TES: variants seen among roughly 807,000 people sequenced by gnomAD.
TES encodes the protein testin LIM domain protein, also known as testin.
In TES, 41 loss-of-function variants were observed where a neutral mutation model predicts 48.2. The ratio of observed to expected loss-of-function variants is 0.85; its 90% CI spans 0.66 to 1.10. The LOEUF (loss-of-function observed/expected upper bound fraction) is 1.10, where lower values mean the gene tolerates loss of function less well. Among genes scored for constraint, TES ranks in the 50% least tolerant of loss-of-function variants. The probability of loss-of-function intolerance (pLI) is 0.00; values close to 1 mark genes in which losing one functional copy is unlikely to be tolerated. For missense variants in TES, 463 were observed against 515.1 expected (o/e 0.90, Z 0.98); for synonymous variants, 162 against 174.9 (o/e 0.93, Z 0.58).
At chr7:116,222,449 C>T (rs528936605) in intron 1 of TES, among the ~76,000 whole-genome samples, 6 of 152,098 alleles carry the variant, frequency 3.9e-5, no homozygotes, top group Non-Finnish European at 7.3e-5. Context: ...TCTGTACTGC[C>T]GTCTTTTTCT....
intron 2 of TES, chr7:116,237,893 T>G (rs1456166238): frequency 6.6e-6 from 1 of 152,210 alleles, no homozygotes. Context: ...CCTTTTCTTA[T>G]AAGGTCACCT....
chr7:116,249,453 A>C, intron 3 of TES, 181 bp downstream of exon 3: 1 of 713,092 alleles, frequency 1.4e-6, no homozygotes, highest in South Asian at 2.1e-5. Flanking sequence ...ATACTTCATA[A>C]AATTTTTCCA....
chr7:116,218,612 C>A (rs772027116), intron 1 of TES, among the ~76,000 whole-genome samples: 1 of 152,026 alleles, frequency 6.6e-6, no homozygotes, highest in African/African-American at 2.4e-5. Context: ...ATTAAAAGTG[C>A]AGTTTAGATT....
rs1021503689 is a variant in TES at position 116,244,106 on chromosome 7, G to T, written c.114-4914G>T. ...GAAATACAATTCAAGATGAGATTTG[G>T]GTGGGGACACAGCCAAACCATATCA... On this transcript the variant is annotated intron_variant, in intron 2 of 6. Coordinates refer to ENST00000358204, the MANE Select transcript of TES (RefSeq NM_015641.4). Among the ~76,000 whole-genome samples, 7 of 152,088 alleles carry T rather than the reference G, an allele frequency of 4.6e-5. No homozygotes were observed. In the East Asian group the frequency reaches 1.3e-3, roughly 29 times the overall value.
At chr7:116,228,998 C>CTGTATATATATATATATATATA (rs1278263956) in intron 1 of TES, among the ~76,000 whole-genome samples, 1 of 110,158 alleles carries the variant, frequency 9.1e-6, no homozygotes, top group African/African-American at 3.7e-5. Flanking sequence ...GTATCTATAA[C>CTGTATATATATATATATATATA]TATATATATA....
chr7:116,241,562 A>G (rs982751052), intron 2 of TES, among the ~76,000 whole-genome samples: 5 of 152,176 alleles, frequency 3.3e-5, no homozygotes, highest in African/African-American at 1.2e-4. Flanking sequence ...TGTCACCACA[A>G]TTCACCACAT....
chr7:116,227,132 A>G (rs1184619913), intron 1 of TES, among the ~76,000 whole-genome samples: 2 of 125,922 alleles, frequency 1.6e-5, no homozygotes, highest in African/African-American at 5.9e-5. Flanking sequence ...TTATTTATTT[A>G]TTGGAGATGG....
chr7:116,218,325 G>C (rs946560367), intron 1 of TES, among the ~76,000 whole-genome samples: 2 of 152,072 alleles, frequency 1.3e-5, no homozygotes, highest in Non-Finnish European at 2.9e-5. Flanking sequence ...ATTCAGCCCA[G>C]CAGAAATGCC....
At chr7:116,245,538 C>A (rs758954273) in intron 2 of TES, among the ~76,000 whole-genome samples, 1 of 152,168 alleles carries the variant, frequency 6.6e-6, no homozygotes, top group Non-Finnish European at 1.5e-5. Flanking sequence ...TTTCCCACAT[C>A]TTCCTGTCTT....
At chr7:116,235,659 C>G (rs1158560931) in intron 2 of TES, among the ~76,000 whole-genome samples, 1 of 152,096 alleles carries the variant, frequency 6.6e-6, no homozygotes, top group African/African-American at 2.4e-5. Flanking sequence ...CACAAGTCTG[C>G]TCAAAGTTAG....
intron 1 of TES, among the ~76,000 whole-genome samples, chr7:116,230,112 A>C (rs531604289): frequency 6.6e-6 from 1 of 152,182 alleles, no homozygotes; most frequent in Non-Finnish European, 1.5e-5. Context: ...AGTGATTTTG[A>C]AAACTTGGTG....
Position 116,252,404 on chromosome 7 carries a change from A to G in TES, c.1005A>G (p.Leu335=). The G allele has an allele frequency of 6.2e-7, 1 of 1,614,242 alleles. No individual in the cohort carries two copies. The highest frequency in any genetic ancestry group is 1.1e-5 in the South Asian group (1 of 91,092). ...HFCCFDCDSI[L]AGEIYVMVND... The stretch of plus-strand genomic sequence containing the variant: ...GCTGCTTTGACTGTGATAGCATTCT[A>G]GCTGGGGAGATATACGTGATGGTCA... Residue 335 remains leucine, a synonymous_variant, in exon 6 of 7, where the codon CTA becomes CTG. Transcript: ENST00000358204.
chr7:116,252,893 C>T lies in TES; in HGVS notation c.1077+417C>T, dbSNP rs367709288. ...ACCACCCACTGGAATTTTGTTTTTG[C>T]TACCTGGAGATTGTAAGATACCTAT... is the stretch of plus-strand genomic sequence containing the variant. On this transcript the variant is annotated intron_variant, in intron 6 of 6. Transcript: ENST00000358204. Among the ~76,000 whole-genome samples, 6 of 152,282 alleles carry T rather than the reference C, an allele frequency of 3.9e-5. No individual in the cohort carries two copies. The East Asian group carries it at 5.8e-4, about 15-fold the overall frequency.
At chr7:116,227,114 T>G (rs956823961) in intron 1 of TES, among the ~76,000 whole-genome samples, 2 of 149,510 alleles carry the variant, frequency 1.3e-5, no homozygotes, top group Non-Finnish European at 3.0e-5. Flanking sequence ...ATTTATTTAT[T>G]TATTTATTTA....
chr7:116,238,504 T>C lies in TES; in HGVS notation c.113+3885T>C, dbSNP rs1799802003. On this transcript the variant is annotated intron_variant, in intron 2 of 6. Coordinates refer to ENST00000358204, the MANE Select transcript of TES (RefSeq NM_015641.4). Reference sequence around the variant, plus strand: ...CTATGTGTCACACACCAGTAAGCACTTGTAATAATTTTCTACTGCTGCATA... The same window carrying C: ...CTATGTGTCACACACCAGTAAGCACCTGTAATAATTTTCTACTGCTGCATA... Among the ~76,000 whole-genome samples the C allele has an allele frequency of 2.0e-5, 3 of 152,152 alleles. No homozygotes were observed. The South Asian group carries it at 6.2e-4, about 31-fold the overall frequency.
intron 1 of TES, among the ~76,000 whole-genome samples, chr7:116,228,998 CTA>C (rs58514364): frequency 0.039 from 4,265 of 109,868 alleles, 125 homozygotes; most frequent in Admixed American, 0.08. Flanking sequence ...GTATCTATAA[CTA>C]TATATATATA....
chr7:116,216,807 G>C (rs1396768900), intron 1 of TES, among the ~76,000 whole-genome samples: 1 of 152,060 alleles, frequency 6.6e-6, no homozygotes, highest in African/African-American at 2.4e-5. Context: ...TCTGAAGGCT[G>C]TAATAGTGTG....
At chr7:116,236,938 C>T (rs1179315481) in intron 2 of TES, among the ~76,000 whole-genome samples, 1 of 152,152 alleles carries the variant, frequency 6.6e-6, no homozygotes, top group African/African-American at 2.4e-5. Context: ...ATTGGTATTT[C>T]TTAGTAGTTC....
intron 1 of TES, among the ~76,000 whole-genome samples, chr7:116,229,033 T>TATATATA (rs1417517023): frequency 1.7e-5 from 2 of 115,492 alleles, no homozygotes; most frequent in African/African-American, 3.4e-5. Flanking sequence ...TATATATATA[T>TATATATA]AATCATTTCC....
Sources: allele counts gnomAD v4.1 joint callset (sites outside exome capture counted in the v4.1 genomes callset), GRCh38; gene constraint gnomAD v4.1.1; transcripts MANE v1.5; gene names NCBI Gene and HGNC (gene_info 2026-07-23, HGNC 2026-07-21).